The following A4GNT variants were observed in gnomAD, a reference collection of about 807,000 sequenced individuals.
A4GNT encodes alpha-1,4-N-acetylglucosaminyltransferase.
Under a neutral mutation model 8.3 loss-of-function variants are expected in A4GNT, and 6 were observed. The ratio of observed to expected loss-of-function variants is 0.72; its 90% CI spans 0.39 to 1.42. The LOEUF (loss-of-function observed/expected upper bound fraction) is 1.42, where lower values mean the gene tolerates loss of function less well. Ranked by LOEUF, A4GNT falls within the 40% of genes most tolerant of loss-of-function variation. The probability of loss-of-function intolerance (pLI) is 0.02; values close to 1 mark genes in which losing one functional copy is unlikely to be tolerated. For synonymous variants in A4GNT, 157 were observed against 159.8 expected (o/e 0.98, Z 0.13); for missense variants, 377 against 417.0 (o/e 0.90, Z 0.84).
intron 2 of A4GNT, among the ~76,000 whole-genome samples, chr3:138,129,272 G>A (rs1478084719): frequency 6.6e-6 from 1 of 152,172 alleles, no homozygotes; most frequent in Non-Finnish European, 1.5e-5. Flanking sequence ...GTGGTCATTA[G>A]GAACCTTAAG....
chr3:138,131,701 C>T (rs1224808099), intron 1 of A4GNT, among the ~76,000 whole-genome samples: 1 of 152,088 alleles, frequency 6.6e-6, no homozygotes, highest in Non-Finnish European at 1.5e-5. Flanking sequence ...TGATAAAATG[C>T]ATTATCTTAA....
At chr3:138,126,972 A>ATCCAAAAAAAATAGCCAGGC (rs2042748935) in intron 2 of A4GNT, among the ~76,000 whole-genome samples, 1 of 150,322 alleles carries the variant, frequency 6.7e-6, no homozygotes, top group African/African-American at 2.5e-5. Context: ...TCTACTAAAA[A>ATCCAAAAAAAATAGCCAGGC]TCCAAAAAAA....
upstream of A4GNT, among the ~76,000 whole-genome samples, chr3:138,133,124 C>T (rs372166415): frequency 6.6e-6 from 1 of 152,174 alleles, no homozygotes; most frequent in Non-Finnish European, 1.5e-5. Context: ...CACAGTTCCC[C>T]CTGGATGCTC....
chr3:138,128,448 G>C (rs2042758188), intron 2 of A4GNT, among the ~76,000 whole-genome samples: 1 of 151,898 alleles, frequency 6.6e-6, no homozygotes, highest in African/African-American at 2.4e-5. Flanking sequence ...CACATGGCGA[G>C]AGCAGGAGCA....
chr3:138,124,410 T>C lies in A4GNT; in HGVS notation c.877A>G (p.Met293Val). 2 of 1,614,238 alleles carry C rather than the reference T, an allele frequency of 1.2e-6. No individual in the cohort carries two copies. The highest frequency in any genetic ancestry group is 1.7e-6 in the Non-Finnish European group (2 of 1,180,054). ...VSYALHLWNH[M>V]NQEGRAVIRG... ...ATCACAGCCCGCCCCTCCTGGTTCA[T>C]GTGGTTCCACAAATGCAGGGCATAA... Residue 293 changes from methionine (M) to valine (V), a missense_variant, in exon 3 of 3, where the codon ATG (methionine) becomes GTG (valine). By Grantham distance (21) the Met-to-Val change is conservative. Coordinates refer to ENST00000236709, the MANE Select transcript of A4GNT (RefSeq NM_016161.3).
Position 138,131,059 on chromosome 3 carries a change from C to A in A4GNT, c.198G>T (p.Leu66Phe). The change falls in exon 2 of 3, where the codon TTG (leucine) becomes TTT (phenylalanine). Residue 66 changes from leucine (L) to phenylalanine (F), a missense_variant. Leu to Phe is a conservative substitution (Grantham distance 22). Transcript: ENST00000236709. Reference sequence around the variant, plus strand: ...CAGCAGACTCTACGGAACAGGAGACCAAATGGGGTGGCTCCATTCTCTCTG... The same window carrying A: ...CAGCAGACTCTACGGAACAGGAGACAAAATGGGGTGGCTCCATTCTCTCTG... ...ETSERMEPPH[L>F]VSCSVESAAK... is the part of the protein sequence containing the mutation. 1 of 1,613,844 alleles carries A rather than the reference C, an allele frequency of 6.2e-7. No homozygotes were observed. Among genetic ancestry groups the A allele is most frequent in the Admixed American group, 1.7e-5 (1 of 60,006 alleles).
rs1358205845 is a variant in A4GNT, at chr3:138,124,315, A to C, written c.972T>G (p.Ile324Met). The change falls in exon 3 of 3, where the codon ATT becomes ATG. Residue 324 changes from isoleucine (I) to methionine (M), a missense_variant. By Grantham distance (10) the Ile-to-Met change is conservative. Transcript: ENST00000236709. ...CAGTCACTGACCCCTCTGGGCCTTTAATCAGGTCCCTGTAAGTCCTGGGAC... is the reference window on the plus strand; with the variant it reads ...CAGTCACTGACCCCTCTGGGCCTTTCATCAGGTCCCTGTAAGTCCTGGGAC... ...KHCPRTYRDL[I>M]KGPEGSVTGE... 6.2e-7 allele frequency: 1 copy of C among 1,614,206 alleles called. No individual in the cohort carries two copies. The highest frequency in any genetic ancestry group is 2.2e-5 in the East Asian group (1 of 44,876).
chr3:138,126,885 A>G (rs548375667), intron 2 of A4GNT, among the ~76,000 whole-genome samples: 1 of 151,906 alleles, frequency 6.6e-6, no homozygotes, highest in Non-Finnish European at 1.5e-5. Context: ...TAATCCCAGC[A>G]CTTTGGGAGG....
rs567766185 is a variant in A4GNT at position 138,126,019 on chromosome 3, T to C, written c.409-1141A>G. ...TTTAGAAGAAAGGAGGGAAGTGATC[T>C]CAATTACTCTTCAAAGGGTCACTCT... On this transcript the variant is annotated intron_variant, in intron 2 of 2. Coordinates refer to ENST00000236709, the MANE Select transcript of A4GNT (RefSeq NM_016161.3). Among the ~76,000 whole-genome samples the C allele has an allele frequency of 3.9e-4, 59 of 152,284 alleles. 1 individual carries two copies. The highest frequency in any genetic ancestry group is 1.4e-3 in the African/African-American group (57 of 41,578).
Position 138,130,872 on chromosome 3 carries a change from G to T in A4GNT, c.385C>A (p.Pro129Thr). The change falls in exon 2 of 3, where the codon CCA becomes ACA. Residue 129 changes from proline to threonine, a missense_variant. Transcript: ENST00000236709. Reference sequence around the variant, plus strand: ...ACTTGATTGTACCATGAAAACAATGGTGTGTCTTCAAGCAGCCTTTTCATA... The same window carrying T: ...ACTTGATTGTACCATGAAAACAATGTTGTGTCTTCAAGCAGCCTTTTCATA... ...LDMKRLLEDT[P>T]LFSWYNQINA... is the part of the protein sequence containing the mutation. 1.2e-6 allele frequency: 2 copies of T among 1,614,078 alleles called. No homozygotes were observed. The highest frequency in any genetic ancestry group is 1.1e-5 in the South Asian group (1 of 91,064).
At position 138,131,149 on chromosome 3, in the gene A4GNT, G is replaced by A. The variant is rs747913463; in HGVS notation, c.108C>T (p.Phe36=). The A allele has an allele frequency of 5.0e-6, 8 of 1,613,426 alleles. No individual in the cohort carries two copies. In the East Asian group the frequency reaches 1.8e-4, roughly 36 times the overall value. Residue 36 remains phenylalanine (F), a synonymous_variant, in exon 2 of 3, where the codon TTC becomes TTT. Transcript: ENST00000236709. ...KSSCLFCLPS[F]KSHQGLEALL... is the part of the protein sequence containing the mutation. ...GGGCTTCCAGCCCCTGGTGGGACTT[G>A]AAAGAAGGCAAACAGAAGAGGCAGC...
upstream of A4GNT, among the ~76,000 whole-genome samples, chr3:138,133,000 GTGTTAGCACTCACC>G (rs770638927): frequency 3.3e-5 from 5 of 152,138 alleles, no homozygotes; most frequent in Non-Finnish European, 7.4e-5. Context: ...ATTTCCCAAG[GTGTTAGCACTCACC>G]TGTGGCCTAT....
At chr3:138,131,417 C>G (rs2107888877) in intron 1 of A4GNT, 135 bp from the exon 2 acceptor site, 1 of 798,298 alleles carries the variant, frequency 1.3e-6, no homozygotes, top group African/African-American at 1.8e-5. Flanking sequence ...GAAATCAAGT[C>G]CAGCAATATT....
At chr3:138,128,458 A>G (rs917285314) in intron 2 of A4GNT, among the ~76,000 whole-genome samples, 7 of 151,946 alleles carry the variant, frequency 4.6e-5, no homozygotes, top group Non-Finnish European at 7.4e-5. Flanking sequence ...GAGCAGGAGC[A>G]AGAGAGAGAG....
chr3:138,125,351 C>T (rs904877637), intron 2 of A4GNT, among the ~76,000 whole-genome samples: 2 of 152,078 alleles, frequency 1.3e-5, no homozygotes, highest in Admixed American at 6.5e-5. Context: ...TCTTAAAATG[C>T]ATACCTTTGC....
chr3:138,131,318 G>T lies in A4GNT; in HGVS notation c.-26-36C>A, dbSNP rs968421076. The T allele has an allele frequency of 3.6e-6, 5 of 1,407,402 alleles. No individual in the cohort carries two copies. In the African/African-American group the frequency reaches 5.7e-5, roughly 16 times the overall value. 87.2% of individuals were successfully genotyped at this position (1,407,402 alleles called of 1,614,324 possible). ...ACACAATTAATTAAAAATCACAGCT[G>T]CAAAACCTGACAAAGATAGCACACA... On this transcript the variant is annotated intron_variant, in intron 1 of 2. Coordinates refer to ENST00000236709, the MANE Select transcript of A4GNT (RefSeq NM_016161.3).
intron 2 of A4GNT, among the ~76,000 whole-genome samples, chr3:138,128,525 C>T (rs2042759191): frequency 6.6e-6 from 1 of 152,096 alleles, no homozygotes; most frequent in South Asian, 2.1e-4. Flanking sequence ...CACGAGAACC[C>T]ACTCACTATC....
chr3:138,124,479 G>A lies in A4GNT; in HGVS notation c.808C>T (p.Arg270Cys), dbSNP rs745872612. The A allele has an allele frequency of 2.6e-5, 42 of 1,614,066 alleles. No individual in the cohort carries two copies. Among genetic ancestry groups the A allele is most frequent in the East Asian group, 1.6e-4 (7 of 44,892 alleles). ...TCTGTATCCCACACTTCATAGTAGC[G>A]CCTCCACTCTCGATAGGAGATGGGG... The part of the protein sequence containing the change: ...FYPISYREWR[R>C]YYEVWDTEPS... The change falls in exon 3 of 3, where the codon CGC (arginine) becomes TGC (cysteine). Residue 270 changes from arginine to cysteine, a missense_variant. Coordinates refer to ENST00000236709, the MANE Select transcript of A4GNT (RefSeq NM_016161.3).
intron 2 of A4GNT, among the ~76,000 whole-genome samples, chr3:138,128,022 A>G (rs2042756049): frequency 6.6e-6 from 1 of 152,246 alleles, no homozygotes; most frequent in South Asian, 2.1e-4. Flanking sequence ...TCCATGGAAC[A>G]TCAGTGCCAA....
Sources: allele counts gnomAD v4.1 joint callset (sites outside exome capture counted in the v4.1 genomes callset), GRCh38; gene constraint gnomAD v4.1.1; transcripts MANE v1.5; gene names NCBI Gene and HGNC (gene_info 2026-07-23, HGNC 2026-07-21).